The following NTM variants were observed in gnomAD, a reference collection of about 807,000 sequenced individuals.
NTM encodes the protein IgLON family member 2.
Under a neutral mutation model 42.1 loss-of-function variants are expected in NTM, and 13 were observed. The observed-to-expected ratio is 0.31, with a 90% CI of 0.20 to 0.49. The LOEUF is 0.49. Ranked by LOEUF, NTM falls within the 20% of genes least tolerant of loss-of-function variation. The pLI, the probability that NTM is intolerant of heterozygous loss-of-function variation, is 0.99. For missense variants in NTM, 373 were observed against 452.8 expected, an observed-to-expected ratio of 0.82 and a Z score of 1.60; for synonymous variants, 187 against 179.2, an observed-to-expected ratio of 1.04 and a Z score of -0.35.
At chr11:131,752,348 C>T (rs1002653677) in intron 1 of NTM, among the ~76,000 whole-genome samples, 2 of 152,188 alleles carry the variant, frequency 1.3e-5, no homozygotes, top group South Asian at 4.1e-4. Context: ...GATACCATCT[C>T]ACACCAGTTA....
intron 2 of NTM, among the ~76,000 whole-genome samples, chr11:131,942,880 A>G (rs1821713252): frequency 6.6e-6 from 1 of 151,002 alleles, no homozygotes; most frequent in Admixed American, 6.6e-5. Flanking sequence ...TGGAAGGTGG[A>G]GGTTGTGGTG....
chr11:132,230,912 T>C (rs987644022), intron 4 of NTM, among the ~76,000 whole-genome samples: 2 of 152,200 alleles, frequency 1.3e-5, no homozygotes, highest in Non-Finnish European at 2.9e-5. Context: ...CAGTCGCAGC[T>C]GAGGCAGAAG....
chr11:131,422,273 C>T (rs775897991), intron 1 of NTM, among the ~76,000 whole-genome samples: 1 of 152,188 alleles, frequency 6.6e-6, no homozygotes, highest in African/African-American at 2.4e-5. Context: ...AATCTGCTGC[C>T]TGCCTTCTTC....
intron 1 of NTM, among the ~76,000 whole-genome samples, chr11:131,450,224 C>T (rs957734747): frequency 6.6e-6 from 1 of 152,190 alleles, no homozygotes; most frequent in African/African-American, 2.4e-5. Flanking sequence ...TTTGCTAACT[C>T]CTTTCTTGGT....
At chr11:131,637,986 C>T (rs2064627956) in intron 1 of NTM, among the ~76,000 whole-genome samples, 1 of 152,120 alleles carries the variant, frequency 6.6e-6, no homozygotes, top group Non-Finnish European at 1.5e-5. Flanking sequence ...TCCATAGCCC[C>T]ATGTCCTCAG....
intron 1 of NTM, among the ~76,000 whole-genome samples, chr11:131,612,132 C>T (rs1291600558): frequency 6.6e-6 from 1 of 152,222 alleles, no homozygotes; most frequent in Non-Finnish European, 1.5e-5. Context: ...TAGAGAAGCC[C>T]TCAGTCATCA....
At chr11:131,410,910 C>T (rs531124977) in intron 1 of NTM, among the ~76,000 whole-genome samples, 5 of 152,150 alleles carry the variant, frequency 3.3e-5, no homozygotes, top group Non-Finnish European at 5.9e-5. Context: ...GGTTAAAAGC[C>T]TCCCAGGATG....
chr11:131,635,256 C>T (rs371912675), intron 1 of NTM, among the ~76,000 whole-genome samples: 2 of 152,234 alleles, frequency 1.3e-5, no homozygotes. Context: ...AGGAGGGATT[C>T]CAGAATAAGG....
intron 2 of NTM, among the ~76,000 whole-genome samples, chr11:132,091,835 G>A (rs2060413925): frequency 6.6e-6 from 1 of 152,084 alleles, no homozygotes; most frequent in African/African-American, 2.4e-5. Context: ...GTTTCCTGAG[G>A]TCAGACAACA....
chr11:131,903,440 T>C (rs939151837), intron 1 of NTM, among the ~76,000 whole-genome samples: 1 of 152,250 alleles, frequency 6.6e-6, no homozygotes, highest in East Asian at 1.9e-4. Context: ...GCTGGTTGCA[T>C]TGTGGGATTT....
intron 4 of NTM, among the ~76,000 whole-genome samples, chr11:132,224,029 G>C (rs898391043): frequency 6.6e-6 from 1 of 152,196 alleles, no homozygotes; most frequent in African/African-American, 2.4e-5. Flanking sequence ...TCAGTCATTG[G>C]CAGAAAAGAA....
rs569632734 is a variant in NTM at position 131,919,393 on chromosome 11, T to C, written c.167+7745T>C. Among the ~76,000 whole-genome samples the C allele has an allele frequency of 4.6e-5, 7 of 152,256 alleles. No individual in the cohort carries two copies. The South Asian group carries it at 8.3e-4, about 18-fold the overall frequency. On this transcript the variant is annotated intron_variant, in intron 2 of 8. Coordinates refer to ENST00000683400, the MANE Select transcript of NTM (RefSeq NM_001352005.2). ...ATATTTTTAGGAAACCAAGGACTTA[T>C]TGGGTTTAGGATGCAATTTCAAATT...
rs2060455255 is a variant in NTM at position 132,092,205 on chromosome 11, C to A, written c.168-54077C>A. Among the ~76,000 whole-genome samples the A allele has an allele frequency of 1.3e-5, 2 of 152,208 alleles. 1 individual carries two copies. Among genetic ancestry groups the A allele is most frequent in the East Asian group, 3.8e-4 (2 of 5,196 alleles). ...ATCAAATCTATTTCATATTTAAAAT[C>A]ATTGATTTCTTGTCCAAATTCTGTT... On this transcript the variant is annotated intron_variant, in intron 2 of 8. Transcript: ENST00000683400.
chr11:131,403,155 A>G (rs1945432177), intron 1 of NTM, among the ~76,000 whole-genome samples: 1 of 152,196 alleles, frequency 6.6e-6, no homozygotes, highest in Admixed American at 6.5e-5. Flanking sequence ...TTTACTTACA[A>G]TCCAGTCACA....
chr11:131,627,227 A>AT (rs952030291), intron 1 of NTM, among the ~76,000 whole-genome samples: 97 of 148,662 alleles, frequency 6.5e-4, no homozygotes, highest in Admixed American at 6.1e-3. Flanking sequence ...TTATTTATTT[A>AT]TTTTTTTTGT....
chr11:131,674,940 G>A (rs1194063878), intron 1 of NTM, among the ~76,000 whole-genome samples: 1 of 152,176 alleles, frequency 6.6e-6, no homozygotes, highest in Non-Finnish European at 1.5e-5. Context: ...CTTGCTGCTA[G>A]AAAAGAAAGC....
At chr11:131,775,514 A>G (rs2086821525) in intron 1 of NTM, among the ~76,000 whole-genome samples, 2 of 152,170 alleles carry the variant, frequency 1.3e-5, no homozygotes, top group South Asian at 4.1e-4. Flanking sequence ...CTCTTATTTA[A>G]TAAATCCCCA....
At chr11:132,250,789 C>G (rs1057081369) in intron 4 of NTM, among the ~76,000 whole-genome samples, 2 of 152,038 alleles carry the variant, frequency 1.3e-5, no homozygotes, top group African/African-American at 2.4e-5. Flanking sequence ...GTTTGTCATG[C>G]ATTTCTTTAT....
chr11:131,575,253 T>G (rs1418556473), intron 1 of NTM, among the ~76,000 whole-genome samples: 1 of 152,178 alleles, frequency 6.6e-6, no homozygotes, highest in Non-Finnish European at 1.5e-5. Context: ...ATGGTAAGAC[T>G]AATAGGCTTT....
Sources: allele counts gnomAD v4.1 joint callset (sites outside exome capture counted in the v4.1 genomes callset), GRCh38; gene constraint gnomAD v4.1.1; transcripts MANE v1.5; gene names NCBI Gene and HGNC (gene_info 2026-07-23, HGNC 2026-07-21).